SRGAP2: variants seen among roughly 807,000 people sequenced by gnomAD.
SRGAP2 encodes the protein SLIT-ROBO Rho GTPase activating protein 2.
Under a neutral mutation model 57.2 loss-of-function variants are expected in SRGAP2, and 15 were observed. The ratio of observed to expected loss-of-function variants is 0.26; its 90% CI spans 0.18 to 0.40. The LOEUF (loss-of-function observed/expected upper bound fraction) is 0.40, where lower values mean the gene tolerates loss of function less well. SRGAP2 is among the 10% of genes least tolerant of loss of function. The pLI, the probability that SRGAP2 is intolerant of heterozygous loss-of-function variation, is 1.00. For synonymous variants in SRGAP2, 249 were observed against 248.0 expected, an observed-to-expected ratio of 1.00 and a Z score of -0.04; for missense variants, 520 against 669.6, an observed-to-expected ratio of 0.78 and a Z score of 2.47.
chr1:206,429,352 A>G (rs989967241), intron 13 of SRGAP2, among the ~76,000 whole-genome samples: 4 of 152,202 alleles, frequency 2.6e-5, no homozygotes, highest in Non-Finnish European at 4.4e-5. Flanking sequence ...GCTACCTTCA[A>G]CTGAGAATAA....
intron 2 of SRGAP2, among the ~76,000 whole-genome samples, chr1:206,289,742 T>A (rs1671210574): frequency 2.0e-5 from 3 of 149,450 alleles, no homozygotes; most frequent in African/African-American, 7.4e-5. Flanking sequence ...ATGATGACGG[T>A]TGCTGGGCCT....
chr1:206,406,197 CA>C lies in SRGAP2; in HGVS notation c.1159-179del, dbSNP rs1553357118. Among the ~76,000 whole-genome samples the C allele has an allele frequency of 3.3e-5, 5 of 151,596 alleles. No homozygotes were observed. The East Asian group carries it at 9.7e-4, about 29-fold the overall frequency. On this transcript the variant is annotated intron_variant, in intron 9 of 22. Coordinates refer to ENST00000573034, the MANE Select transcript of SRGAP2 (RefSeq NM_015326.5). ...TTTAGGTTTTCACTGTAGAGAGTAG[CA>C]TGCTGTAGCAGAGTCCATGTGATGT...
intron 2 of SRGAP2, among the ~76,000 whole-genome samples, chr1:206,276,766 TGAGGA>T (rs1310028657): frequency 6.6e-6 from 1 of 152,154 alleles, no homozygotes; most frequent in Non-Finnish European, 1.5e-5. Flanking sequence ...ACAGTGAAAC[TGAGGA>T]GTAGATGGAT....
chr1:206,363,771 G>A (rs1378377729), intron 4 of SRGAP2, among the ~76,000 whole-genome samples: 1 of 152,172 alleles, frequency 6.6e-6, no homozygotes, highest in Non-Finnish European at 1.5e-5. Context: ...CCGTAGAAGC[G>A]ATGTCATATT....
At chr1:206,421,517 G>T (rs1660303585) in intron 13 of SRGAP2, among the ~76,000 whole-genome samples, 1 of 152,150 alleles carries the variant, frequency 6.6e-6, no homozygotes, top group Non-Finnish European at 1.5e-5. Flanking sequence ...TGCATACTAG[G>T]GGTTTGGTTT....
At chr1:206,425,969 C>T (rs1660765439) in intron 13 of SRGAP2, among the ~76,000 whole-genome samples, 1 of 151,896 alleles carries the variant, frequency 6.6e-6, no homozygotes, top group African/African-American at 2.4e-5. Context: ...GCCTCAGCCT[C>T]CCGAGTAGCT....
chr1:206,353,725 T>C (rs868935606), intron 4 of SRGAP2, among the ~76,000 whole-genome samples: 3 of 149,168 alleles, frequency 2.0e-5, no homozygotes, highest in African/African-American at 7.6e-5. Flanking sequence ...AATAAATAAT[T>C]AAAACAACCA....
rs1209951379 is a variant in SRGAP2 at position 206,454,117 on chromosome 1, T to G, written c.2360+737T>G. 1.3e-5 allele frequency: 9 copies of G among 702,040 alleles called. No homozygotes were observed. The highest frequency in any genetic ancestry group is 2.1e-5 in the Non-Finnish European group (8 of 384,782). 43.5% of individuals were successfully genotyped at this position (702,040 alleles called of 1,614,324 possible). On this transcript the variant is annotated intron_variant, in intron 20 of 22. Coordinates refer to ENST00000573034, the MANE Select transcript of SRGAP2 (RefSeq NM_015326.5). The surrounding 1 kb of genome is among the most constrained non-coding windows in gnomAD (Gnocchi z 4.3). Reference sequence around the variant, plus strand: ...GATACGATGCTGTCAGTGTTTTTAGTCCTTCCCTTAATATTATTTTTTAAA... The same window carrying G: ...GATACGATGCTGTCAGTGTTTTTAGGCCTTCCCTTAATATTATTTTTTAAA...
At chr1:206,295,248 G>A (rs1296609754) in intron 2 of SRGAP2, among the ~76,000 whole-genome samples, 5 of 151,588 alleles carry the variant, frequency 3.3e-5, no homozygotes, top group African/African-American at 9.7e-5. Context: ...TTTTGAGATG[G>A]AGTCTCTCCC....
chr1:206,333,521 C>T (rs1338293177), intron 3 of SRGAP2: 2 of 1,065,828 alleles, frequency 1.9e-6, no homozygotes, highest in African/African-American at 1.6e-5. Context: ...CTCCCTCTAC[C>T]TCCGTCTCTA....
chr1:206,309,636 G>A (rs1160440498), intron 3 of SRGAP2, among the ~76,000 whole-genome samples: 2 of 151,898 alleles, frequency 1.3e-5, no homozygotes, highest in Admixed American at 6.6e-5. Flanking sequence ...TGGCATTCAC[G>A]ATAGAAGTGG....
intron 6 of SRGAP2, 114 bp downstream of exon 6, chr1:206,393,018 T>G: frequency 2.8e-6 from 2 of 713,024 alleles, no homozygotes. Context: ...CTGGGTTCTT[T>G]TAGTGCCTAA....
At chr1:206,445,219 C>T (rs1553373338) in intron 17 of SRGAP2, among the ~76,000 whole-genome samples, 3 of 152,336 alleles carry the variant, frequency 2.0e-5, no homozygotes, top group Admixed American at 6.5e-5. Context: ...GCCCAGCCCT[C>T]AATGCCTGGA....
At chr1:206,452,370 A>T (rs1240787902) in intron 19 of SRGAP2, among the ~76,000 whole-genome samples, 3 of 152,150 alleles carry the variant, frequency 2.0e-5, no homozygotes, top group African/African-American at 7.2e-5. Context: ...TTTTCTCTTT[A>T]TAGAGAGACA....
At chr1:206,444,905 T>TC (rs200081701) in intron 17 of SRGAP2, among the ~76,000 whole-genome samples, 1,930 of 152,252 alleles carry the variant, frequency 0.013, 16 homozygotes, top group Middle Eastern at 0.024. Context: ...ATACCACTCT[T>TC]CAAGTCCTGC....
At chr1:206,419,781 G>A (rs1179761336) in intron 12 of SRGAP2, among the ~76,000 whole-genome samples, 1 of 151,258 alleles carries the variant, frequency 6.6e-6, no homozygotes, top group African/African-American at 2.4e-5. Flanking sequence ...CTGACCCAGA[G>A]AAAGAAGATC....
chr1:206,388,338 A>C (rs1271275506), intron 5 of SRGAP2, among the ~76,000 whole-genome samples: 2 of 152,182 alleles, frequency 1.3e-5, no homozygotes, highest in Admixed American at 1.3e-4. Flanking sequence ...ATAGTCTCTC[A>C]ACTCTGCTTG....
chr1:206,439,890 C>A (rs1461572969), intron 16 of SRGAP2, 86 bp from the exon 17 acceptor site: 2 of 717,644 alleles, frequency 2.8e-6, no homozygotes, highest in African/African-American at 3.5e-5. Flanking sequence ...GTCCGTGTTG[C>A]CCCTGCTGGT....
Position 206,446,271 on chromosome 1 carries a change from A to G in SRGAP2, c.2071A>G (p.Ser691Gly), listed in dbSNP as rs1662749699. 1 of 780,772 alleles carries G rather than the reference A, an allele frequency of 1.3e-6. No homozygotes were observed. Among genetic ancestry groups the G allele is most frequent in the African/African-American group, 1.7e-5 (1 of 59,134 alleles). The allele number at this position is 780,772 out of a possible 1,614,324, so 48.4% of individuals were successfully genotyped here. ...SPRELEGPVY[S>G]RGGSMEDYCD... ...CAGGGAGCTGGAGGGCCCTGTCTAC[A>G]GCAGAGGAGGAAGCATGGAGGATTA... is the stretch of plus-strand genomic sequence containing the variant. The change falls in exon 18 of 23, where the codon AGC (serine) becomes GGC (glycine). Residue 691 changes from serine (S) to glycine (G), a missense_variant. Transcript: ENST00000573034.
Sources: allele counts gnomAD v4.1 joint callset (sites outside exome capture counted in the v4.1 genomes callset), GRCh38; gene constraint gnomAD v4.1.1; non-coding constraint Gnocchi (gnomAD v3.1); transcripts MANE v1.5; gene names NCBI Gene and HGNC (gene_info 2026-07-23, HGNC 2026-07-21).